EVI5: variants seen among roughly 807,000 people sequenced by gnomAD.
EVI5 encodes the protein ecotropic viral integration site 5, also known as ecotropic viral integration site 5 protein homolog.
A neutral mutation model predicts 112.0 loss-of-function variants in EVI5; 73 were observed. The ratio of observed to expected loss-of-function variants is 0.65; its 90% confidence interval spans 0.54 to 0.79. EVI5 has a LOEUF of 0.79. EVI5 is among the 30% of genes least tolerant of loss of function. The pLI, the probability that EVI5 is intolerant of heterozygous loss-of-function variation, is 0.00. For synonymous variants in EVI5, 305 were observed against 319.9 expected, an observed-to-expected ratio of 0.95 and a Z score of 0.50; for missense variants, 900 against 968.8, an observed-to-expected ratio of 0.93 and a Z score of 0.94.
chr1:92,631,507 T>C (rs1657098178), intron 14 of EVI5, among the ~76,000 whole-genome samples: 1 of 152,218 alleles, frequency 6.6e-6, no homozygotes, highest in Non-Finnish European at 1.5e-5. Flanking sequence ...ATAAGAATGC[T>C]TGTGGTTTTT....
chr1:92,598,117 T>C (rs562791335), intron 18 of EVI5, among the ~76,000 whole-genome samples: 288 of 152,140 alleles, frequency 1.9e-3, no homozygotes, highest in African/African-American at 6.6e-3. Flanking sequence ...TCTTGAGACC[T>C]TGTCTCCCCC....
chr1:92,662,049 C>T (rs1017892107), intron 13 of EVI5, among the ~76,000 whole-genome samples: 2 of 152,076 alleles, frequency 1.3e-5, no homozygotes, highest in African/African-American at 2.4e-5. Context: ...CAAAAGATAC[C>T]TGAGGCTAGA....
At chr1:92,604,271 G>A (rs1328533669) in intron 18 of EVI5, among the ~76,000 whole-genome samples, 1 of 151,868 alleles carries the variant, frequency 6.6e-6, no homozygotes, top group African/African-American at 2.4e-5. Context: ...GATGAGGACT[G>A]CTTGAGCCAG....
intron 13 of EVI5, among the ~76,000 whole-genome samples, chr1:92,655,831 A>G (rs1420459340): frequency 3.3e-5 from 5 of 152,192 alleles, no homozygotes; most frequent in East Asian, 1.9e-4. Flanking sequence ...TCATAAGACA[A>G]CTACTACTGG....
At chr1:92,541,761 G>A (rs993512575) in intron 19 of EVI5, among the ~76,000 whole-genome samples, 2 of 152,164 alleles carry the variant, frequency 1.3e-5, no homozygotes, top group Non-Finnish European at 1.5e-5. Context: ...AGAATAAAGC[G>A]AGTCACATGA....
intron 19 of EVI5, among the ~76,000 whole-genome samples, chr1:92,563,083 CA>C (rs1328453147): frequency 6.6e-6 from 1 of 152,114 alleles, no homozygotes; most frequent in Non-Finnish European, 1.5e-5. Context: ...TTAAATTACT[CA>C]GTATAGTACT....
chr1:92,564,832 A>C (rs998866741), intron 18 of EVI5, among the ~76,000 whole-genome samples: 3 of 152,026 alleles, frequency 2.0e-5, no homozygotes, highest in Non-Finnish European at 4.4e-5. Flanking sequence ...GGTGCCCAGC[A>C]CTGCGCCTGG....
chr1:92,562,813 C>T (rs888702722), intron 19 of EVI5, among the ~76,000 whole-genome samples: 1 of 152,180 alleles, frequency 6.6e-6, no homozygotes, highest in Non-Finnish European at 1.5e-5. Context: ...AACGTCTAAA[C>T]TTTTTCCTGT....
In EVI5 at chr1:92,513,677, C is replaced by A; in HGVS notation, c.2460G>T (p.Glu820Asp). The A allele has an allele frequency of 6.2e-7, 1 of 1,608,808 alleles. No individual in the cohort carries two copies. The highest frequency in any genetic ancestry group is 8.5e-7 in the Non-Finnish European group (1 of 1,177,094). The change falls in exon 20 of 20, where the codon GAG (glutamate) becomes GAT (aspartate). Residue 820 changes from glutamate (E) to aspartate (D), a missense_variant. Glu to Asp is a conservative substitution (Grantham distance 45). Coordinates refer to ENST00000684568, the MANE Select transcript of EVI5 (RefSeq NM_001350197.2). ...ATGGTCAGACAGTGGTTGAATACGACTCTCTTCTTCTCGGGGGCCGCTCCT... is the reference window on the plus strand; with the variant it reads ...ATGGTCAGACAGTGGTTGAATACGAATCTCTTCTTCTCGGGGGCCGCTCCT... ...VQKERPPRRR[E>D]SYSTTV
chr1:92,583,257 C>T (rs985004061), intron 18 of EVI5, among the ~76,000 whole-genome samples: 2 of 151,538 alleles, frequency 1.3e-5, no homozygotes, highest in Non-Finnish European at 2.9e-5. Flanking sequence ...GCCTGTAATC[C>T]CAGCACTCTG....
intron 1 of EVI5, among the ~76,000 whole-genome samples, chr1:92,749,965 A>C (rs1454369572): frequency 6.6e-6 from 1 of 152,248 alleles, no homozygotes; most frequent in Non-Finnish European, 1.5e-5. Flanking sequence ...ACTCAAAAAT[A>C]TAACTCACAC....
Position 92,695,320 on chromosome 1 carries a change from A to C in EVI5, c.899T>G (p.Phe300Cys). The change falls in exon 7 of 20, where the codon TTT (phenylalanine) becomes TGT (cysteine). Residue 300 changes from phenylalanine (F) to cysteine (C), a missense_variant. Coordinates refer to ENST00000684568, the MANE Select transcript of EVI5 (RefSeq NM_001350197.2). ...TGCCCATTAGCTTACCTCAGACATAAAGATATCAAATATCCTTGTTGCAAT... is the reference window on the plus strand; with the variant it reads ...TGCCCATTAGCTTACCTCAGACATACAGATATCAAATATCCTTGTTGCAAT... Reference protein sequence around the residue: ...LPIATRIFDIFMSEGLEIVFR... With the variant: ...LPIATRIFDICMSEGLEIVFR... 6.2e-7 allele frequency: 1 copy of C among 1,610,678 alleles called. No individual in the cohort carries two copies. The highest frequency in any genetic ancestry group is 8.5e-7 in the Non-Finnish European group (1 of 1,178,314).
At chr1:92,651,260 T>G (rs1179629946) in intron 13 of EVI5, among the ~76,000 whole-genome samples, 1 of 152,190 alleles carries the variant, frequency 6.6e-6, no homozygotes, top group Non-Finnish European at 1.5e-5. Context: ...ACAAAGTATT[T>G]ACACAAATTG....
chr1:92,775,678 C>G (rs1684025905), intron 1 of EVI5, among the ~76,000 whole-genome samples: 1 of 152,158 alleles, frequency 6.6e-6, no homozygotes, highest in African/African-American at 2.4e-5. Flanking sequence ...AATTGTCTAA[C>G]AACTCATTTC....
intron 1 of EVI5, among the ~76,000 whole-genome samples, chr1:92,766,577 A>C (rs919222069): frequency 1.3e-5 from 2 of 152,216 alleles, no homozygotes; most frequent in African/African-American, 4.8e-5. Context: ...AATGTCAATA[A>C]AAATCTCAAT....
rs547170693 is a variant in EVI5, at chr1:92,714,828, C to T, written c.150-10084G>A. Among the ~76,000 whole-genome samples, 37 of 152,206 alleles carry T rather than the reference C, an allele frequency of 2.4e-4. 1 individual carries two copies. In the South Asian group the frequency reaches 7.5e-3, roughly 31 times the overall value. ...CTGGTCTTGAACTCTTGGCCTCATG[C>T]AATTCTCCCACCTCGGACTCCCAAA... On this transcript the variant is annotated intron_variant, in intron 2 of 19. Coordinates refer to ENST00000684568, the MANE Select transcript of EVI5 (RefSeq NM_001350197.2).
intron 19 of EVI5, among the ~76,000 whole-genome samples, chr1:92,527,803 T>C (rs1177851308): frequency 1.3e-5 from 2 of 152,242 alleles, no homozygotes; most frequent in Non-Finnish European, 2.9e-5. Context: ...GCATATAGCA[T>C]GGTAGCTTAT....
intron 1 of EVI5, among the ~76,000 whole-genome samples, chr1:92,764,740 T>C (rs1682352447): frequency 6.6e-6 from 1 of 152,240 alleles, no homozygotes. Context: ...ATTTTTCAAG[T>C]TAATATGTCC....
rs567288614 is a variant in EVI5 at position 92,630,574 on chromosome 1, C to T, written c.1528-4640G>A. ...TTGTAGATTCTGGATATTAGCCCTT[C>T]GTCAGATAAGTAGATTGCAAAAATT... On this transcript the variant is annotated intron_variant, in intron 14 of 19. Transcript: ENST00000684568. Among the ~76,000 whole-genome samples the T allele has an allele frequency of 5.0e-4, 74 of 147,258 alleles. 1 individual carries two copies. The highest frequency in any genetic ancestry group is 1.9e-3 in the Admixed American group (28 of 14,454).
Sources: allele counts gnomAD v4.1 joint callset (sites outside exome capture counted in the v4.1 genomes callset), GRCh38; gene constraint gnomAD v4.1.1; transcripts MANE v1.5; gene names NCBI Gene and HGNC (gene_info 2026-07-23, HGNC 2026-07-21).